LMLN: variants seen among roughly 807,000 people sequenced by gnomAD.
The protein encoded by LMLN is leishmanolysin-like peptidase.
In LMLN, 70 loss-of-function variants were observed where a neutral mutation model predicts 92.3. The observed-to-expected ratio is 0.76, with a 90% CI of 0.63 to 0.92. LMLN has a LOEUF of 0.92. Ranked by LOEUF, LMLN falls within the 40% of genes least tolerant of loss-of-function variation. The pLI is 0.00. For missense variants in LMLN, 691 were observed against 814.6 expected (o/e 0.85, Z 1.85); for synonymous variants, 308 against 296.2 (o/e 1.04, Z -0.41).
rs376164850 is a variant in LMLN, at chr3:198,025,001, TTACTG to T, written c.1656+216_1656+220del. Among the ~76,000 whole-genome samples the T allele has an allele frequency of 1.7e-3, 252 of 152,366 alleles. No individual in the cohort carries two copies. Among genetic ancestry groups the T allele is most frequent in the African/African-American group, 5.4e-3 (223 of 41,588 alleles). ...GTGCCTCTTAAAAATATATATGTAA[TTACTG>T]TAATGTTACTTCTGGGCATATATTC... On this transcript the variant is annotated intron_variant, in intron 14 of 15. Transcript: ENST00000330198. This position sits in a 1 kb window ranked among gnomAD's most constrained non-coding sequence, Gnocchi z 4.3.
intron 12 of LMLN, among the ~76,000 whole-genome samples, chr3:198,020,736 G>C (rs1236735841): frequency 6.7e-6 from 1 of 148,202 alleles, no homozygotes; most frequent in Non-Finnish European, 1.5e-5. Flanking sequence ...TGGGACTACA[G>C]GTGTGCGCCA....
In LMLN at chr3:198,037,759, A is replaced by T. The variant is rs538227583; in HGVS notation, c.1868-808A>T. Among the ~76,000 whole-genome samples, 7 of 152,356 alleles carry T rather than the reference A, an allele frequency of 4.6e-5. No individual in the cohort carries two copies. The South Asian group carries it at 1.2e-3, about 27-fold the overall frequency. ...CTATAAAAATATTTCCATTATGAGA[A>T]CTGTTTTAACCTATGAGGACACCTC... On this transcript the variant is annotated intron_variant, in intron 15 of 15. Coordinates refer to ENST00000330198, the Ensembl canonical transcript of LMLN.
chr3:198,016,841 A>G (rs1333437555), intron 11 of LMLN, among the ~76,000 whole-genome samples: 1 of 152,164 alleles, frequency 6.6e-6, no homozygotes, highest in East Asian at 1.9e-4. Flanking sequence ...TTGAAGTCCA[A>G]ATAGTAAATA....
chr3:197,979,269 C>T (rs1252307265), intron 5 of LMLN, among the ~76,000 whole-genome samples: 3 of 152,190 alleles, frequency 2.0e-5, no homozygotes, highest in East Asian at 1.9e-4. Flanking sequence ...GTATTGCTTA[C>T]ACCTTAAAAA....
chr3:198,024,701 C>T (rs1449907812), exon 14 of LMLN: 3 of 1,611,162 alleles, frequency 1.9e-6, no homozygotes, highest in African/African-American at 2.7e-5. Flanking sequence ...GACCTCATTC[C>T]GTTTGTCTAA....
chr3:197,995,794 A>G (rs1334757393), intron 9 of LMLN, among the ~76,000 whole-genome samples: 1 of 152,202 alleles, frequency 6.6e-6, no homozygotes, highest in Non-Finnish European at 1.5e-5. Flanking sequence ...ATTATTTCAC[A>G]TTGTATTCAT....
At chr3:197,992,064 T>C (rs943299293) in intron 9 of LMLN, among the ~76,000 whole-genome samples, 2 of 144,596 alleles carry the variant, frequency 1.4e-5, no homozygotes, top group African/African-American at 5.2e-5. Flanking sequence ...GGTTTCACCA[T>C]GTTGGTCAGG....
At chr3:198,018,788 T>C (rs527911531) in intron 11 of LMLN, among the ~76,000 whole-genome samples, 3 of 152,356 alleles carry the variant, frequency 2.0e-5, no homozygotes, top group African/African-American at 7.2e-5. Context: ...TATTGTGATA[T>C]TAATATAATT....
At chr3:197,976,164 T>C (rs1487384242) in intron 4 of LMLN, 53 bp downstream of exon 4, 2 of 1,096,650 alleles carry the variant, frequency 1.8e-6, no homozygotes, top group Admixed American at 4.3e-5. Context: ...TACTCTGCCT[T>C]TCTCGTTCTA....
chr3:198,030,504 G>A (rs1487966912), intron 14 of LMLN, among the ~76,000 whole-genome samples: 1 of 152,160 alleles, frequency 6.6e-6, no homozygotes, highest in African/African-American at 2.4e-5. Context: ...TCCCAGTTGG[G>A]CTCATCTCCT....
At chr3:197,991,567 C>T (rs1721872634) in intron 9 of LMLN, among the ~76,000 whole-genome samples, 1 of 152,086 alleles carries the variant, frequency 6.6e-6, no homozygotes, top group Non-Finnish European at 1.5e-5. Flanking sequence ...TTGTTCTCTT[C>T]CGGCCTTCTC....
At chr3:198,009,458 G>A (rs758256694) in intron 11 of LMLN, among the ~76,000 whole-genome samples, 10 of 151,996 alleles carry the variant, frequency 6.6e-5, no homozygotes, top group Non-Finnish European at 1.2e-4. Context: ...TCTAGTTTCT[G>A]TATCAGAGTA....
chr3:198,003,210 T>G, intron 11 of LMLN, 85 bp downstream of exon 12: 1 of 797,662 alleles, frequency 1.3e-6, no homozygotes, highest in East Asian at 2.7e-5. Flanking sequence ...AATGCTATTT[T>G]CAAAATGTAG....
intron 9 of LMLN, chr3:197,994,476 A>C (rs1330213424): frequency 1.3e-5 from 2 of 152,244 alleles, no homozygotes; most frequent in African/African-American, 2.4e-5. Flanking sequence ...AAAAGAAGAC[A>C]TGCAAATTGT....
At chr3:198,036,475 C>T (rs1423829105) in intron 15 of LMLN, among the ~76,000 whole-genome samples, 1 of 151,930 alleles carries the variant, frequency 6.6e-6, no homozygotes, top group East Asian at 1.9e-4. Context: ...GGCATACCCA[C>T]AAAGAGGAGA....
At chr3:197,969,271 A>G (rs1406864117) in intron 1 of LMLN, among the ~76,000 whole-genome samples, 2 of 147,062 alleles carry the variant, frequency 1.4e-5, no homozygotes, top group Admixed American at 1.3e-4. Flanking sequence ...AGTTTAATAT[A>G]TATATATTTT....
At chr3:198,017,893 G>A (rs1722682963) in intron 11 of LMLN, among the ~76,000 whole-genome samples, 1 of 152,164 alleles carries the variant, frequency 6.6e-6, no homozygotes, top group East Asian at 1.9e-4. Flanking sequence ...CTCCAGCCTG[G>A]CGACAGAGCA....
chr3:197,965,027 AAGAAAG>A (rs1273125723), intron 1 of LMLN, among the ~76,000 whole-genome samples: 2 of 151,374 alleles, frequency 1.3e-5, no homozygotes, highest in African/African-American at 4.8e-5. Flanking sequence ...AAAAAAAAGA[AAGAAAG>A]AGACAAGGTG....
exon 16 of LMLN, chr3:198,040,809 T>C (rs1249434400): frequency 1.6e-5 from 2 of 122,966 alleles, no homozygotes; most frequent in Non-Finnish European, 1.7e-5. Flanking sequence ...AGACTCCTCC[T>C]ATTCCTCCAT....
Sources: allele counts gnomAD v4.1 joint callset (sites outside exome capture counted in the v4.1 genomes callset), GRCh38; gene constraint gnomAD v4.1.1; non-coding constraint Gnocchi (gnomAD v3.1); transcripts MANE v1.5; gene names NCBI Gene and HGNC (gene_info 2026-07-23, HGNC 2026-07-21).